TSHZ3: variants seen among roughly 807,000 people sequenced by gnomAD.
TSHZ3 encodes the protein teashirt zinc finger homeobox 3, also known as teashirt homolog 3.
In TSHZ3, 10 loss-of-function variants were observed where a neutral mutation model predicts 64.5. That is an observed-to-expected ratio of 0.16 (90% confidence interval 0.10 to 0.26). The LOEUF (loss-of-function observed/expected upper bound fraction) is 0.26, where lower values mean the gene tolerates loss of function less well. Ranked by LOEUF, TSHZ3 falls within the 10% of genes least tolerant of loss-of-function variation. TSHZ3 has a pLI of 1.00. For synonymous variants in TSHZ3, 608 were observed against 593.1 expected, an observed-to-expected ratio of 1.03 and a Z score of -0.36; for missense variants, 1,242 against 1,421.7, an observed-to-expected ratio of 0.87 and a Z score of 2.03.
At chr19:31,267,845 T>C (rs1976075313) in intron 1 of TSHZ3, among the ~76,000 whole-genome samples, 1 of 152,180 alleles carries the variant, frequency 6.6e-6, no homozygotes, top group Non-Finnish European at 1.5e-5. Context: ...TTGAGAAAGC[T>C]GAGATGAGAA....
At chr19:31,177,331 CATGAT>C (rs1974625808) in intron 5 of TSHZ3, among the ~76,000 whole-genome samples, 1 of 152,186 alleles carries the variant, frequency 6.6e-6, no homozygotes, top group South Asian at 2.1e-4. Flanking sequence ...GCAGGAGAGA[CATGAT>C]ATAAGAGAAT....
At chr19:31,193,363 G>A (rs1311296692) in intron 5 of TSHZ3, among the ~76,000 whole-genome samples, 1 of 152,148 alleles carries the variant, frequency 6.6e-6, no homozygotes, top group Non-Finnish European at 1.5e-5. Context: ...TCTCCTTGGA[G>A]AAGGAAGCCC....
rs532695559 is a variant in TSHZ3, at chr19:31,349,132, C to A, written c.40+48G>T. 12 of 1,529,156 alleles carry A rather than the reference C, an allele frequency of 7.8e-6. No individual in the cohort carries two copies. The South Asian group carries it at 1.5e-4, about 19-fold the overall frequency. 94.7% of individuals were successfully genotyped at this position (1,529,156 alleles called of 1,614,324 possible). The stretch of plus-strand genomic sequence containing the variant: ...GCGCCCGCTGGAGGCGCGGGGCGAG[C>A]GGAGGAAGAGGAGGAGGAGAGCAGA... On this transcript the variant is annotated intron_variant, in intron 1 of 1. Coordinates refer to ENST00000240587, the MANE Select transcript of TSHZ3 (RefSeq NM_020856.4).
chr19:31,261,238 C>A (rs1378787784), intron 1 of TSHZ3, among the ~76,000 whole-genome samples: 1 of 152,178 alleles, frequency 6.6e-6, no homozygotes. Flanking sequence ...CTCTGCCAGC[C>A]ACTGAACACT....
At chr19:31,327,842 G>A (rs1017463121) in intron 1 of TSHZ3, among the ~76,000 whole-genome samples, 87 of 152,102 alleles carry the variant, frequency 5.7e-4, no homozygotes, top group Non-Finnish European at 1.6e-4. Flanking sequence ...AAAAAATAAA[G>A]AAATGAGAAA....
intron 1 of TSHZ3, among the ~76,000 whole-genome samples, chr19:31,250,799 C>T (rs1975829626): frequency 6.6e-6 from 1 of 152,180 alleles, no homozygotes; most frequent in Admixed American, 6.5e-5. Context: ...GCCTGACACA[C>T]AGTAGGTGCT....
chr19:31,231,406 T>A lies in TSHZ3; in HGVS notation n.551-3266A>T, dbSNP rs571962376. 3.3e-5 allele frequency among the ~76,000 whole-genome samples: 5 copies of A among 152,276 alleles called. No individual in the cohort carries two copies. The East Asian group carries it at 7.7e-4, about 24-fold the overall frequency. ...ATTTTTCCAAACCCACATGCCCCGA[T>A]CCCGACTTCACCACCCAGGCCTCAA... On this transcript the variant is annotated intron_variant and non_coding_transcript_variant, in intron 3 of 6. Coordinates refer to the TSHZ3 transcript ENST00000651361.
intron 1 of TSHZ3, among the ~76,000 whole-genome samples, chr19:31,244,127 C>T (rs1211979891): frequency 1.3e-5 from 2 of 152,112 alleles, no homozygotes; most frequent in East Asian, 3.9e-4. Context: ...ATATAATTTG[C>T]ATCTGTGTCT....
chr19:31,161,572 C>T (rs990080927), intron 5 of TSHZ3, among the ~76,000 whole-genome samples: 4 of 152,148 alleles, frequency 2.6e-5, no homozygotes, highest in Admixed American at 2.6e-4. Flanking sequence ...CACAACATTT[C>T]CTCCATAAGA....
At chr19:31,240,899 A>T (rs1381976776) in intron 3 of TSHZ3, among the ~76,000 whole-genome samples, 1 of 152,046 alleles carries the variant, frequency 6.6e-6, no homozygotes, top group Non-Finnish European at 1.5e-5. Flanking sequence ...TTCTGCTCAG[A>T]TTCTTTTTCT....
At chr19:31,349,703 G>A (rs1283000194), upstream of TSHZ3, among the ~76,000 whole-genome samples, 1 of 147,750 alleles carries the variant, frequency 6.8e-6, no homozygotes, top group Non-Finnish European at 1.5e-5. Flanking sequence ...CGCGGGAGCG[G>A]CCCGGACCGG....
chr19:31,323,434 T>C (rs1054429798), intron 1 of TSHZ3, among the ~76,000 whole-genome samples: 1 of 152,262 alleles, frequency 6.6e-6, no homozygotes, highest in Non-Finnish European at 1.5e-5. Flanking sequence ...TTATTCCAGA[T>C]GTGAAGACAC....
chr19:31,254,835 C>T (rs1221462358), intron 1 of TSHZ3, among the ~76,000 whole-genome samples: 5 of 152,104 alleles, frequency 3.3e-5, no homozygotes, highest in Non-Finnish European at 7.4e-5. Context: ...AGTCATTCCC[C>T]GGGGTGCCCT....
intron 1 of TSHZ3, among the ~76,000 whole-genome samples, chr19:31,253,286 T>G (rs1975865127): frequency 6.6e-6 from 1 of 152,102 alleles, no homozygotes; most frequent in East Asian, 1.9e-4. Flanking sequence ...GAGCTAAGGT[T>G]TCTAAGACAC....
At chr19:31,228,488 T>C (rs1402026553) in intron 3 of TSHZ3, among the ~76,000 whole-genome samples, 1 of 148,104 alleles carries the variant, frequency 6.8e-6, no homozygotes, top group Non-Finnish European at 1.5e-5. Context: ...ATCACACCAC[T>C]GTACTCCAGC....
At chr19:31,174,313 C>T (rs1422573719) in intron 5 of TSHZ3, among the ~76,000 whole-genome samples, 2 of 152,186 alleles carry the variant, frequency 1.3e-5, no homozygotes, top group African/African-American at 4.8e-5. Flanking sequence ...AGACCAGTGT[C>T]CCACCTCCAT....
intron 1 of TSHZ3, among the ~76,000 whole-genome samples, chr19:31,261,618 T>C (rs1975983486): frequency 6.6e-6 from 1 of 152,250 alleles, no homozygotes; most frequent in Non-Finnish European, 1.5e-5. Context: ...TCAAAGTTTC[T>C]ATAGATAGTG....
intron 6 of TSHZ3, among the ~76,000 whole-genome samples, chr19:31,154,381 C>T (rs867667964): frequency 6.6e-6 from 1 of 152,282 alleles, no homozygotes; most frequent in African/African-American, 2.4e-5. Flanking sequence ...ACTGAATTGG[C>T]CCAAATGACC....
At chr19:31,313,904 C>T (rs557346707) in intron 1 of TSHZ3, among the ~76,000 whole-genome samples, 23 of 152,304 alleles carry the variant, frequency 1.5e-4, no homozygotes, top group Non-Finnish European at 2.5e-4. Context: ...CAGGCTGCAA[C>T]CTGCAGCACA....
Sources: allele counts gnomAD v4.1 joint callset (sites outside exome capture counted in the v4.1 genomes callset), GRCh38; gene constraint gnomAD v4.1.1; transcripts MANE v1.5; gene names NCBI Gene and HGNC (gene_info 2026-07-23, HGNC 2026-07-21).